Variants in AGPAT3 observed in about 807,000 individuals in gnomAD.
AGPAT3 encodes the protein 1-acyl-sn-glycerol-3-phosphate acyltransferase gamma.
In AGPAT3, 5 loss-of-function variants were observed where a neutral mutation model predicts 47.3. The ratio of observed to expected loss-of-function variants is 0.11; its 90% CI spans 0.06 to 0.22. The LOEUF is 0.22. AGPAT3 is among the 10% of genes least tolerant of loss of function. The pLI is 1.00. For missense variants in AGPAT3, 315 were observed against 493.0 expected, an observed-to-expected ratio of 0.64 and a Z score of 3.42; for synonymous variants, 212 against 208.3, an observed-to-expected ratio of 1.02 and a Z score of -0.15.
At position 43,923,281 on chromosome 21, in the gene AGPAT3, T is replaced by G. The variant is rs189653809; in HGVS notation, c.-49+19262T>G. ...TCCATGTACCTCCAGATTCATGCAC[T>G]CGGGGACCGGGCAACGCCTCGGGAA... On this transcript the variant is annotated intron_variant, in intron 2 of 9. Transcript: ENST00000291572. Among the ~76,000 whole-genome samples, 420 of 152,252 alleles carry G rather than the reference T, an allele frequency of 2.8e-3. 1 individual carries two copies. The highest frequency in any genetic ancestry group is 4.8e-3 in the Non-Finnish European group (328 of 67,998).
rs890050460 is a variant in AGPAT3, at chr21:43,880,517, A to G, written c.-112+15172A>G. Among the ~76,000 whole-genome samples, 1 of 152,168 alleles carries G rather than the reference A, an allele frequency of 6.6e-6. No individual in the cohort carries two copies. Among genetic ancestry groups the G allele is most frequent in the Admixed American group, 6.5e-5 (1 of 15,268 alleles). On this transcript the variant is annotated intron_variant, in intron 1 of 9. Transcript: ENST00000291572. This position sits in a 1 kb window ranked among gnomAD's most constrained non-coding sequence, Gnocchi z 4.5. ...TGATCTTGAGTGCTGGTGGCTGTCC[A>G]GCTTTACTGGCAGGGATTCTGATGA...
chr21:43,967,403 T>A (rs1021823997), intron 3 of AGPAT3: 1 of 152,862 alleles, frequency 6.5e-6, no homozygotes, highest in Admixed American at 6.5e-5. Context: ...CCAGCCGGCC[T>A]TCCTGGGGGC....
rs149328798 is a variant in AGPAT3 at position 43,951,176 on chromosome 21, C to T, written c.-48-8458C>T. Among the ~76,000 whole-genome samples, 1,396 of 152,280 alleles carry T rather than the reference C, an allele frequency of 9.2e-3. 20 individuals carry two copies. The highest frequency in any genetic ancestry group is 0.044 in the Middle Eastern group (13 of 294). On this transcript the variant is annotated intron_variant, in intron 2 of 9. Transcript: ENST00000291572. Reference sequence around the variant, plus strand: ...CCACCTCGCAGGGGCCAGGTCTGCTCGGCCCACTACACCAGAGCCCTTGGG... The same window carrying T: ...CCACCTCGCAGGGGCCAGGTCTGCTTGGCCCACTACACCAGAGCCCTTGGG...
chr21:43,962,003 C>CT (rs752287053), intron 3 of AGPAT3, among the ~76,000 whole-genome samples: 5,708 of 141,186 alleles, frequency 0.04, 317 homozygotes, highest in African/African-American at 0.13. Context: ...TGTTTTTTCT[C>CT]TTTTTTTTTT....
intron 1 of AGPAT3, among the ~76,000 whole-genome samples, chr21:43,865,808 C>G (rs2085492108): frequency 6.6e-6 from 1 of 152,010 alleles, no homozygotes; most frequent in South Asian, 2.1e-4. Context: ...CGCCCGCCGC[C>G]TGGTTTCGGG....
At chr21:43,884,641 C>A (rs1373556354) in intron 1 of AGPAT3, among the ~76,000 whole-genome samples, 1 of 150,384 alleles carries the variant, frequency 6.6e-6, no homozygotes, top group Admixed American at 6.6e-5. Flanking sequence ...CGTTGGGTGC[C>A]CAGGCACTGG....
At chr21:43,897,701 C>T (rs1329244211) in intron 1 of AGPAT3, among the ~76,000 whole-genome samples, 2 of 151,492 alleles carry the variant, frequency 1.3e-5, no homozygotes, top group Admixed American at 6.6e-5. Flanking sequence ...CCAGAGGGGG[C>T]GGCTGGGCAG....
intron 2 of AGPAT3, among the ~76,000 whole-genome samples, chr21:43,924,149 G>A (rs1006680082): frequency 2.0e-5 from 3 of 151,832 alleles, no homozygotes; most frequent in Admixed American, 6.6e-5. Context: ...GAGTAGCTGG[G>A]ACTACAGGTG....
chr21:43,901,221 G>A (rs554959890), intron 1 of AGPAT3, among the ~76,000 whole-genome samples: 4 of 151,858 alleles, frequency 2.6e-5, no homozygotes, highest in Middle Eastern at 3.4e-3. Flanking sequence ...GCTACTCAAC[G>A]GCAGAGGCAG....
rs894883161 is a variant in AGPAT3 at position 43,933,543 on chromosome 21, C to T, written c.-48-26091C>T. ...TCCATGCCCAGCATTGTTCTCAGTG[C>T]GCCCCGGGGGTCTTTGGTTCTCCAT... is the stretch of plus-strand genomic sequence containing the variant. On this transcript the variant is annotated intron_variant, in intron 2 of 9. Coordinates refer to ENST00000291572, the MANE Select transcript of AGPAT3 (RefSeq NM_020132.5). This position sits in a 1 kb window ranked among gnomAD's most constrained non-coding sequence, Gnocchi z 6.0. Among the ~76,000 whole-genome samples the T allele has an allele frequency of 2.0e-5, 3 of 152,058 alleles. No homozygotes were observed. The highest frequency in any genetic ancestry group is 2.9e-5 in the Non-Finnish European group (2 of 68,032).
rs117031722 is a variant in AGPAT3 at position 43,901,708 on chromosome 21, G to A, written c.-111-2249G>A. ...AGGATGGCTTGAGCCCAGGAAGGTTGAGGCTGCAGTGAGCCATGATCATAC... is the reference window on the plus strand; with the variant it reads ...AGGATGGCTTGAGCCCAGGAAGGTTAAGGCTGCAGTGAGCCATGATCATAC... On this transcript the variant is annotated intron_variant, in intron 1 of 9. Coordinates refer to ENST00000291572, the MANE Select transcript of AGPAT3 (RefSeq NM_020132.5). 7.9e-3 allele frequency among the ~76,000 whole-genome samples: 1,198 copies of A among 152,256 alleles called. 59 individuals are homozygous for A. The East Asian group carries it at 0.15, about 19-fold the overall frequency.
intron 1 of AGPAT3, among the ~76,000 whole-genome samples, chr21:43,866,311 C>T (rs970921019): frequency 4.0e-5 from 6 of 151,828 alleles, no homozygotes; most frequent in Non-Finnish European, 8.8e-5. Context: ...GGCTGTTGGC[C>T]TCCAGACAGA....
intron 2 of AGPAT3, among the ~76,000 whole-genome samples, chr21:43,938,263 C>T (rs897347771): frequency 1.1e-4 from 16 of 149,420 alleles, no homozygotes; most frequent in South Asian, 2.1e-4. Flanking sequence ...ATAGAAGGAA[C>T]GTACTGAGGA....
rs2030214515 is a variant in AGPAT3 at position 43,985,650 on chromosome 21, G to A, written c.*3258G>A. ...ACTACCGGTTGGGGTCAGATTTGGG[G>A]TGAAGAATGAGTAAGTTTCTGCATG... On this transcript the variant is annotated 3_prime_UTR_variant, in exon 10 of 10. Transcript: ENST00000291572. 3 of 210,986 alleles carry A rather than the reference G, an allele frequency of 1.4e-5. No individual in the cohort carries two copies. In the Admixed American group the frequency reaches 1.6e-4, roughly 11 times the overall value. The allele number at this position is 210,986 out of a possible 1,614,324, so 13.1% of individuals were successfully genotyped here. A position where few individuals can be genotyped will look rare whatever the true frequency, so the allele number is the denominator to read the frequency against.
chr21:43,888,380 G>A (rs963502665), intron 1 of AGPAT3, among the ~76,000 whole-genome samples: 1 of 124,982 alleles, frequency 8.0e-6, no homozygotes, highest in Admixed American at 9.0e-5. Context: ...TACTCCACCT[G>A]GAATTGTTTT....
Position 43,952,809 on chromosome 21 carries a change from C to T in AGPAT3, c.-48-6825C>T, listed in dbSNP as rs996427266. Among the ~76,000 whole-genome samples, 2 of 152,102 alleles carry T rather than the reference C, an allele frequency of 1.3e-5. No homozygotes were observed. The highest frequency in any genetic ancestry group is 2.4e-5 in the African/African-American group (1 of 41,396). On this transcript the variant is annotated intron_variant, in intron 2 of 9. Transcript: ENST00000291572. The surrounding 1 kb of genome is among the most constrained non-coding windows in gnomAD (Gnocchi z 5.6). Reference sequence around the variant, plus strand: ...TGGGGACTGGAGAGGCCCACTGTCACACCTCCCAGCCCCAGCCCCAGAAAT... The same window carrying T: ...TGGGGACTGGAGAGGCCCACTGTCATACCTCCCAGCCCCAGCCCCAGAAAT...
intron 1 of AGPAT3, among the ~76,000 whole-genome samples, chr21:43,887,032 AGTGGTT>A (rs1275987429): frequency 1.3e-5 from 2 of 152,218 alleles, no homozygotes; most frequent in Non-Finnish European, 2.9e-5. Flanking sequence ...TGCTCTCAAT[AGTGGTT>A]GTACTAACTC....
intron 8 of AGPAT3, among the ~76,000 whole-genome samples, chr21:43,979,607 A>T (rs2089768225): frequency 6.6e-6 from 1 of 152,250 alleles, no homozygotes; most frequent in Non-Finnish European, 1.5e-5. Context: ...ATTACCTCCC[A>T]GCACAGAGAA....
chr21:43,910,640 C>T lies in AGPAT3; in HGVS notation c.-49+6621C>T, dbSNP rs180996416. On this transcript the variant is annotated intron_variant, in intron 2 of 9. Coordinates refer to ENST00000291572, the MANE Select transcript of AGPAT3 (RefSeq NM_020132.5). ...GGGGGACTGGAGGAGGTGGGTGTTC[C>T]GGTCACTGCAGTTCTTACATCTTTG... Among the ~76,000 whole-genome samples the T allele has an allele frequency of 2.5e-4, 38 of 152,266 alleles. 1 individual carries two copies. Among genetic ancestry groups the T allele is most frequent in the African/African-American group, 2.2e-4 (9 of 41,540 alleles).
Sources: allele counts gnomAD v4.1 joint callset (sites outside exome capture counted in the v4.1 genomes callset), GRCh38; gene constraint gnomAD v4.1.1; non-coding constraint Gnocchi (gnomAD v3.1); transcripts MANE v1.5; gene names NCBI Gene and HGNC (gene_info 2026-07-23, HGNC 2026-07-21).